Variants in ERGIC1 observed in about 807,000 individuals in gnomAD.
ERGIC1 encodes the protein endoplasmic reticulum-golgi intermediate compartment 1.
A neutral mutation model predicts 38.3 loss-of-function variants in ERGIC1; 19 were observed. That is an observed-to-expected ratio of 0.50 (90% CI 0.35 to 0.73). The LOEUF is 0.73. Ranked by LOEUF, ERGIC1 falls within the 30% of genes least tolerant of loss-of-function variation. The pLI is 0.01. For missense variants in ERGIC1, 294 were observed against 389.2 expected (o/e 0.76, Z 2.06); for synonymous variants, 124 against 157.6 (o/e 0.79, Z 1.60).
intron 1 of ERGIC1, among the ~76,000 whole-genome samples, chr5:172,845,554 G>T (rs1237075347): frequency 1.3e-5 from 2 of 152,100 alleles, no homozygotes; most frequent in African/African-American, 2.4e-5. Flanking sequence ...TAGAAGCTGG[G>T]GACATAGTGC....
chr5:172,948,176 C>T (rs1304620131), intron 9 of ERGIC1, among the ~76,000 whole-genome samples: 1 of 152,212 alleles, frequency 6.6e-6, no homozygotes, highest in Non-Finnish European at 1.5e-5. Context: ...GGGGGCCGCT[C>T]CGGTTTCCTG....
At chr5:172,922,843 A>T (rs1394982180) in intron 5 of ERGIC1, among the ~76,000 whole-genome samples, 2 of 152,198 alleles carry the variant, frequency 1.3e-5, no homozygotes, top group African/African-American at 4.8e-5. Context: ...CTTAACAGTC[A>T]TTATTGGGAA....
At chr5:172,893,905 A>ATATATATATATATATGTG (rs1173039695) in intron 2 of ERGIC1, among the ~76,000 whole-genome samples, 2 of 15,518 alleles carry the variant, frequency 1.3e-4, no homozygotes, top group African/African-American at 2.2e-4. Context: ...ATATATATAT[A>ATATATATATATATATGTG]TGTGTGTGTG....
intron 1 of ERGIC1, among the ~76,000 whole-genome samples, chr5:172,847,530 G>C (rs1761308862): frequency 6.6e-6 from 1 of 152,000 alleles, no homozygotes. Flanking sequence ...TGTTGTTGTT[G>C]TTGAGAGGGA....
chr5:172,905,170 C>G (rs896226420), intron 3 of ERGIC1: 1 of 237,942 alleles, frequency 4.2e-6, no homozygotes, highest in Non-Finnish European at 9.1e-6. Context: ...GTGCGGAGGC[C>G]CAGCCTCGCC....
intron 1 of ERGIC1, among the ~76,000 whole-genome samples, chr5:172,869,401 G>A (rs893621332): frequency 1.2e-4 from 18 of 152,184 alleles, no homozygotes; most frequent in Admixed American, 6.5e-4. Context: ...CACTGAAGTC[G>A]CTAGCCATGA....
chr5:172,835,820 G>A (rs770767023), intron 1 of ERGIC1, among the ~76,000 whole-genome samples: 1 of 152,180 alleles, frequency 6.6e-6, no homozygotes, highest in African/African-American at 2.4e-5. Context: ...TGCCCCTGCC[G>A]GGCAGCCCTG....
At chr5:172,919,064 G>A (rs375568091) in intron 5 of ERGIC1, among the ~76,000 whole-genome samples, 8 of 152,304 alleles carry the variant, frequency 5.3e-5, no homozygotes, top group South Asian at 2.1e-4. Context: ...TGTGCTTGGC[G>A]CTGGGCTGCA....
In ERGIC1 at chr5:172,894,037, T is replaced by C. The variant is rs554029394; in HGVS notation, c.83-2965T>C. ...AGGAGAGACAGACTCACTTTTTTTATACAGCTGGATTTTTTTTTTTTTATA... is the reference window on the plus strand; with the variant it reads ...AGGAGAGACAGACTCACTTTTTTTACACAGCTGGATTTTTTTTTTTTTATA... On this transcript the variant is annotated intron_variant, in intron 2 of 9. Coordinates refer to ENST00000393784, the MANE Select transcript of ERGIC1 (RefSeq NM_001031711.3). Among the ~76,000 whole-genome samples, 438 of 140,350 alleles carry C rather than the reference T, an allele frequency of 3.1e-3. 1 individual carries two copies. The highest frequency in any genetic ancestry group is 0.018 in the Middle Eastern group (5 of 282). 92.1% of individuals were successfully genotyped at this position (140,350 alleles called of 152,430 possible).
At chr5:172,883,104 CTCTG>C (rs1762325760) in intron 1 of ERGIC1, among the ~76,000 whole-genome samples, 1 of 152,154 alleles carries the variant, frequency 6.6e-6, no homozygotes, top group Non-Finnish European at 1.5e-5. Flanking sequence ...TAAGTGGCAT[CTCTG>C]TCTTTCATGT....
intron 1 of ERGIC1, among the ~76,000 whole-genome samples, chr5:172,882,533 C>G (rs1343429925): frequency 6.6e-6 from 1 of 152,148 alleles, no homozygotes; most frequent in Non-Finnish European, 1.5e-5. Context: ...GGTTTGAATC[C>G]TAGCTCTGCC....
Position 172,924,117 on chromosome 5 carries a change from G to C in ERGIC1, c.480+8G>C. The C allele has an allele frequency of 6.2e-7, 1 of 1,613,530 alleles. No homozygotes were observed. Among genetic ancestry groups the C allele is most frequent in the East Asian group, 2.2e-5 (1 of 44,858 alleles). On this transcript the variant is annotated splice_region_variant and intron_variant, in intron 6 of 9. Coordinates refer to ENST00000393784, the MANE Select transcript of ERGIC1 (RefSeq NM_001031711.3). Reference sequence around the variant, plus strand: ...TTTGGGGACACGCTACAGGTGAGCAGGGGACACTCGAGATGGCATGGCCGG... The same window carrying C: ...TTTGGGGACACGCTACAGGTGAGCACGGGACACTCGAGATGGCATGGCCGG...
At chr5:172,845,525 T>C (rs1761264815) in intron 1 of ERGIC1, among the ~76,000 whole-genome samples, 1 of 152,194 alleles carries the variant, frequency 6.6e-6, no homozygotes. Flanking sequence ...ATTGAGGGCC[T>C]GTGTGCCAGG....
In ERGIC1 at chr5:172,923,061, G is replaced by A. The variant is rs114082149; in HGVS notation, c.376-944G>A. Among the ~76,000 whole-genome samples, 725 of 151,696 alleles carry A rather than the reference G, an allele frequency of 4.8e-3. 17 individuals carry two copies. Among genetic ancestry groups the A allele is most frequent in the African/African-American group, 0.017 (683 of 41,224 alleles). On this transcript the variant is annotated intron_variant, in intron 5 of 9. Coordinates refer to ENST00000393784, the MANE Select transcript of ERGIC1 (RefSeq NM_001031711.3). ...TTCCAGGATCATACCAAGGGTTCTA[G>A]TCTGAGCATCTAGGAGGAGGAGGAG...
intron 2 of ERGIC1, among the ~76,000 whole-genome samples, chr5:172,893,892 T>C (rs1581548912): frequency 3.7e-5 from 1 of 27,074 alleles, no homozygotes; most frequent in South Asian, 1.5e-3. Context: ...TATATATATA[T>C]ATATATATAT....
At chr5:172,861,266 C>T (rs1407052527) in intron 1 of ERGIC1, among the ~76,000 whole-genome samples, 2 of 152,102 alleles carry the variant, frequency 1.3e-5, no homozygotes, top group Non-Finnish European at 2.9e-5. Context: ...CGTAGTGGCT[C>T]CCTCCCTTCC....
chr5:172,940,531 T>TC (rs1763986388), intron 9 of ERGIC1, among the ~76,000 whole-genome samples: 1 of 152,028 alleles, frequency 6.6e-6, no homozygotes, highest in South Asian at 2.1e-4. Context: ...AGGTGTCAGA[T>TC]CTCTTTCCTT....
At chr5:172,896,373 T>G (rs1286066063) in intron 2 of ERGIC1, among the ~76,000 whole-genome samples, 1 of 152,152 alleles carries the variant, frequency 6.6e-6, no homozygotes, top group Middle Eastern at 3.2e-3. Context: ...CATTCTTCAC[T>G]TCCATAAAGA....
chr5:172,907,597 A>G (rs1328752679), intron 3 of ERGIC1, among the ~76,000 whole-genome samples: 1 of 150,716 alleles, frequency 6.6e-6, no homozygotes, highest in African/African-American at 2.4e-5. Flanking sequence ...GCCTCCTTAC[A>G]CTGCAACCAC....
Sources: allele counts gnomAD v4.1 joint callset (sites outside exome capture counted in the v4.1 genomes callset), GRCh38; gene constraint gnomAD v4.1.1; transcripts MANE v1.5; gene names NCBI Gene and HGNC (gene_info 2026-07-23, HGNC 2026-07-21).